The following CACNA1E variants were observed in gnomAD, a reference collection of about 807,000 sequenced individuals.
CACNA1E encodes the protein calcium voltage-gated channel subunit alpha1 E.
In CACNA1E, 40 loss-of-function variants were observed where a neutral mutation model predicts 259.2. That is an observed-to-expected ratio of 0.15 (90% CI 0.12 to 0.20). The LOEUF is 0.20. Ranked by LOEUF, CACNA1E falls within the 10% of genes least tolerant of loss-of-function variation. The probability of loss-of-function intolerance (pLI) is 1.00; values close to 1 mark genes in which losing one functional copy is unlikely to be tolerated. For missense variants in CACNA1E, 1,874 were observed against 3,040.1 expected (o/e 0.62, Z 9.02); for synonymous variants, 1,104 against 1,138.5 (o/e 0.97, Z 0.61).
intron 28 of CACNA1E, 107 bp downstream of exon 28, chr1:181,755,504 G>T: frequency 1.2e-6 from 1 of 862,276 alleles, no homozygotes; most frequent in South Asian, 1.8e-5. Flanking sequence ...ACCCATCTCT[G>T]CTCTTCTTTC....
At chr1:181,329,239 T>A (rs1277861039) in intron 1 of CACNA1E, among the ~76,000 whole-genome samples, 4 of 152,076 alleles carry the variant, frequency 2.6e-5, no homozygotes, top group Admixed American at 2.6e-4. Context: ...CTGCTGCCAT[T>A]ACCAAGACCA....
At chr1:181,554,247 A>G (rs1572191726) in intron 3 of CACNA1E, among the ~76,000 whole-genome samples, 1 of 152,150 alleles carries the variant, frequency 6.6e-6, no homozygotes, top group Non-Finnish European at 1.5e-5. Context: ...TCCTGAGCTC[A>G]AGTGATCCTC....
chr1:181,712,057 C>G (rs145568492), intron 8 of CACNA1E, among the ~76,000 whole-genome samples: 2 of 152,242 alleles, frequency 1.3e-5, no homozygotes, highest in African/African-American at 4.8e-5. Flanking sequence ...CTTGAGCTGT[C>G]ATCAGTTCTT....
intron 2 of CACNA1E, among the ~76,000 whole-genome samples, chr1:181,475,870 C>T (rs552647751): frequency 9.2e-5 from 14 of 151,958 alleles, no homozygotes; most frequent in South Asian, 4.2e-4. Context: ...GGAAATGAGG[C>T]GAAAGGTGAG....
At chr1:181,408,376 A>G (rs1657613634) in intron 1 of CACNA1E, among the ~76,000 whole-genome samples, 2 of 152,220 alleles carry the variant, frequency 1.3e-5, no homozygotes, top group Admixed American at 1.3e-4. Context: ...TGCATGGACC[A>G]TTATTTCTAA....
At chr1:181,736,824 G>A (rs573556623) in intron 22 of CACNA1E, among the ~76,000 whole-genome samples, 1 of 152,276 alleles carries the variant, frequency 6.6e-6, no homozygotes, top group South Asian at 2.1e-4. Context: ...ATCACCTGTT[G>A]GAGTTGAGAA....
chr1:181,539,821 C>G (rs547595695), intron 3 of CACNA1E, among the ~76,000 whole-genome samples: 2 of 152,272 alleles, frequency 1.3e-5, no homozygotes, highest in African/African-American at 2.4e-5. Context: ...AAGATAGACC[C>G]AGAGTTTAGT....
chr1:181,381,589 T>G (rs1281898044), intron 1 of CACNA1E, among the ~76,000 whole-genome samples: 4 of 152,198 alleles, frequency 2.6e-5, no homozygotes, highest in Non-Finnish European at 5.9e-5. Flanking sequence ...TATCTTGATT[T>G]TGGTAATGTT....
At chr1:181,354,339 C>G (rs1653267943) in intron 1 of CACNA1E, among the ~76,000 whole-genome samples, 1 of 152,138 alleles carries the variant, frequency 6.6e-6, no homozygotes, top group South Asian at 2.1e-4. Context: ...TAGATGTGGA[C>G]TCCTGCTATG....
chr1:181,783,568 C>T (rs1036162250), intron 39 of CACNA1E, 111 bp from the exon 40 acceptor site: 2 of 614,628 alleles, frequency 3.3e-6, no homozygotes, highest in South Asian at 2.2e-5. Flanking sequence ...GGATCCTTGC[C>T]CTTCTTTTTC....
intron 1 of CACNA1E, among the ~76,000 whole-genome samples, chr1:181,360,679 G>A (rs138793532): frequency 3.3e-5 from 5 of 152,160 alleles, no homozygotes; most frequent in Non-Finnish European, 7.4e-5. Context: ...GTTGTAAAAC[G>A]TTGTGAATAT....
At chr1:181,399,020 C>G (rs1161588334) in intron 1 of CACNA1E, among the ~76,000 whole-genome samples, 1 of 152,168 alleles carries the variant, frequency 6.6e-6, no homozygotes, top group Non-Finnish European at 1.5e-5. Flanking sequence ...TAGGGAGAAT[C>G]TCCTCTGCCT....
At position 181,573,117 on chromosome 1, in the gene CACNA1E, C is replaced by G. The variant is rs116144538; in HGVS notation, c.513-4649C>G. Among the ~76,000 whole-genome samples, 722 of 152,206 alleles carry G rather than the reference C, an allele frequency of 4.7e-3. 6 individuals carry two copies. The highest frequency in any genetic ancestry group is 0.017 in the African/African-American group (696 of 41,520). ...CCATTTATTAGCAATTTAATTTTTTCTGAGCTTTGGCTTGCTCTTTTATGA... is the reference window on the plus strand; with the variant it reads ...CCATTTATTAGCAATTTAATTTTTTGTGAGCTTTGGCTTGCTCTTTTATGA... On this transcript the variant is annotated intron_variant, in intron 3 of 47. Transcript: ENST00000367573.
At chr1:181,538,489 A>G (rs1047269175) in intron 3 of CACNA1E, among the ~76,000 whole-genome samples, 3 of 152,216 alleles carry the variant, frequency 2.0e-5, no homozygotes, top group Admixed American at 6.5e-5. Flanking sequence ...AATCTTTTTC[A>G]TGTGTTATAC....
At chr1:181,445,026 A>G (rs937007148) in intron 2 of CACNA1E, among the ~76,000 whole-genome samples, 1 of 152,144 alleles carries the variant, frequency 6.6e-6, no homozygotes, top group Non-Finnish European at 1.5e-5. Flanking sequence ...AGTTTTAGAT[A>G]TGTTCCTAAA....
intron 2 of CACNA1E, among the ~76,000 whole-genome samples, chr1:181,434,642 A>C (rs1003170897): frequency 6.6e-6 from 1 of 152,192 alleles, no homozygotes; most frequent in African/African-American, 2.4e-5. Context: ...GATCTGGGGA[A>C]GAGCAAGTTA....
intron 3 of CACNA1E, among the ~76,000 whole-genome samples, chr1:181,514,279 AG>A (rs1444640592): frequency 2.6e-5 from 4 of 152,184 alleles, no homozygotes; most frequent in Admixed American, 6.5e-5. Flanking sequence ...TTTCTTTCTT[AG>A]TGCTACATAA....
At position 181,671,043 on chromosome 1, in the gene CACNA1E, G is replaced by A. The variant is rs190296950; in HGVS notation, c.1055+19602G>A. On this transcript the variant is annotated intron_variant, in intron 7 of 47. Coordinates refer to ENST00000367573, the MANE Select transcript of CACNA1E (RefSeq NM_001205293.3). ...AAACATTTATTCATTTATTATTATT[G>A]TTATTATTGAGACACGGTCTTGCTC... 2.4e-4 allele frequency among the ~76,000 whole-genome samples: 37 copies of A among 152,230 alleles called. No individual in the cohort carries two copies. The East Asian group carries it at 6.8e-3, about 28-fold the overall frequency.
intron 6 of CACNA1E, among the ~76,000 whole-genome samples, chr1:181,634,759 T>G (rs1657053600): frequency 6.6e-6 from 1 of 152,144 alleles, no homozygotes; most frequent in Non-Finnish European, 1.5e-5. Context: ...CAGGAGCCTA[T>G]CAGAGCCTCC....
Sources: allele counts gnomAD v4.1 joint callset (sites outside exome capture counted in the v4.1 genomes callset), GRCh38; gene constraint gnomAD v4.1.1; transcripts MANE v1.5; gene names NCBI Gene and HGNC (gene_info 2026-07-23, HGNC 2026-07-21).